Variants in RPL26 observed in about 807,000 individuals in gnomAD.
The protein encoded by RPL26 is large ribosomal subunit protein uL24.
Under a neutral mutation model 16.2 loss-of-function variants are expected in RPL26, and 1 was observed. The observed-to-expected ratio is 0.06, with a 90% CI of 0.02 to 0.29. The LOEUF (loss-of-function observed/expected upper bound fraction) is 0.29. Among genes scored for constraint, RPL26 ranks in the 10% least tolerant of loss-of-function variants. RPL26 has a pLI of 1.00. For synonymous variants in RPL26, 55 were observed against 62.4 expected (o/e 0.88, Z 0.56); for missense variants, 102 against 184.3 (o/e 0.55, Z 2.58).
chr17:8,381,706 T>A (rs1597495929), intron 2 of RPL26: 1 of 188,418 alleles, frequency 5.3e-6, no homozygotes, highest in African/African-American at 2.4e-5. Context: ...GGCGGGCTGA[T>A]CACCTGACGC....
intron 2 of RPL26, among the ~76,000 whole-genome samples, chr17:8,381,633 G>A (rs1209581410): frequency 3.9e-5 from 6 of 152,024 alleles, no homozygotes; most frequent in African/African-American, 1.4e-4. Context: ...GGGTAAGAGT[G>A]AGACCCCATC....
At chr17:8,379,001 C>G (rs2151673000) in intron 3 of RPL26, 1 of 152,246 alleles carries the variant, frequency 6.6e-6, no homozygotes, top group Admixed American at 6.5e-5. Context: ...GTTTCTCAAA[C>G]TTGAGTAAGA....
chr17:8,379,489 G>T, intron 3 of RPL26: 1 of 480,786 alleles, frequency 2.1e-6, no homozygotes, highest in Non-Finnish European at 3.7e-6. Context: ...CGGGAGAATC[G>T]CTTGCACTTG....
Position 8,382,188 on chromosome 17 carries a change from C to T in RPL26, c.123G>A (p.Lys41=). 1.2e-6 allele frequency: 2 copies of T among 1,613,968 alleles called. No homozygotes were observed. Among genetic ancestry groups the T allele is most frequent in the Non-Finnish European group, 1.7e-6 (2 of 1,179,864 alleles). ...SSPLSKELRQ[K]YNVRSMPIRK... ...GGATGGGCATGGATCGCACGTTGTA[C>T]TTCTGTCTCAGCTCTTTGGAAAGAG... Residue 41 remains lysine (K), a synonymous_variant, in exon 2 of 4, where the codon AAG becomes AAA. Transcript: ENST00000648839.
intron 1 of RPL26, 94 bp from the exon 2 acceptor site, chr17:8,382,409 T>C: frequency 1.1e-6 from 1 of 904,868 alleles, no homozygotes; most frequent in South Asian, 1.6e-5. Flanking sequence ...TAGTCTAGAA[T>C]GATCATAGGC....
intron 2 of RPL26, among the ~76,000 whole-genome samples, chr17:8,380,248 G>A (rs1376269318): frequency 6.6e-6 from 1 of 152,156 alleles, no homozygotes; most frequent in East Asian, 1.9e-4. Context: ...GAATCCCAGT[G>A]GTCCTCAGTT....
chr17:8,383,140 G>GCCCGCCGAATCCTTA lies in RPL26; in HGVS notation c.-6+2_-6+16dup, dbSNP rs1213757375. The GCCCGCCGAATCCTTA allele has an allele frequency of 3.0e-5, 12 of 398,544 alleles. No homozygotes were observed. The East Asian group carries it at 3.9e-4, about 13-fold the overall frequency. The allele number at this position is 398,544 out of a possible 1,614,324, so 24.7% of individuals were successfully genotyped here. A position where few individuals can be genotyped will look rare whatever the true frequency, so the allele number is the denominator to read the frequency against. On this transcript the variant is annotated intron_variant, in intron 1 of 3. Coordinates refer to ENST00000648839, the MANE Select transcript of RPL26 (RefSeq NM_000987.5). Reference sequence around the variant, plus strand: ...GGATGGCTGCTGATTACACCCGCTTGCCCGCCGAATCCTTACCCGCTCCCG... The same window carrying GCCCGCCGAATCCTTA: ...GGATGGCTGCTGATTACACCCGCTTGCCCGCCGAATCCTTACCCGCCGAATCCTTACCCGCTCCCG...
chr17:8,377,707 G>GA lies in RPL26; in HGVS notation c.310-16dup, dbSNP rs1202522089. On this transcript the variant is annotated splice_polypyrimidine_tract_variant and intron_variant, in intron 3 of 3. Coordinates refer to ENST00000648839, the MANE Select transcript of RPL26 (RefSeq NM_000987.5). ...GTGATAACCACCTGCAGAAAAATAA[G>GA]AAAAAAACACTCCCAAGCTTTAAAT... 5.8e-5 allele frequency: 92 copies of GA among 1,591,592 alleles called. No individual in the cohort carries two copies. Among genetic ancestry groups the GA allele is most frequent in the Middle Eastern group, 1.7e-4 (1 of 5,984 alleles).
chr17:8,382,459 G>T, intron 1 of RPL26, 144 bp from the exon 2 acceptor site: 1 of 618,840 alleles, frequency 1.6e-6, no homozygotes, highest in Non-Finnish European at 2.8e-6. Context: ...CTGTTTGATC[G>T]GAAGGGCCTA....
intron 2 of RPL26, chr17:8,381,663 C>T (rs886315838): frequency 5.8e-6 from 1 of 173,148 alleles, no homozygotes; most frequent in African/African-American, 2.4e-5. Flanking sequence ...CGCGGTGGCT[C>T]ACGCCTGTAA....
At chr17:8,381,995 TACTG>T (rs1907438607) in intron 2 of RPL26, 144 bp downstream of exon 2, 1 of 646,904 alleles carries the variant, frequency 1.5e-6, no homozygotes, top group Admixed American at 3.1e-5. Flanking sequence ...GCAGCTTACT[TACTG>T]TTTTTTGGTC....
At chr17:8,382,120 C>T (rs1332991428) in intron 2 of RPL26, 23 bp downstream of exon 2, 2 of 1,602,514 alleles carry the variant, frequency 1.2e-6, no homozygotes, top group East Asian at 2.2e-5. Context: ...ATCAAGACAA[C>T]GAGAACAAGT....
chr17:8,382,139 A>C lies in RPL26; in HGVS notation c.168+4T>G. On this transcript the variant is annotated splice_donor_region_variant and intron_variant, in intron 2 of 3. Transcript: ENST00000648839. ...AGACAACGAGAACAAGTAGGGATACACACCTGAACTTCATCATCCTTTCGG... is the reference window on the plus strand; with the variant it reads ...AGACAACGAGAACAAGTAGGGATACCCACCTGAACTTCATCATCCTTTCGG... 1.2e-6 allele frequency: 2 copies of C among 1,612,038 alleles called. No individual in the cohort carries two copies. The highest frequency in any genetic ancestry group is 2.2e-5 in the South Asian group (2 of 90,836).
At chr17:8,381,910 G>C (rs1008668224) in intron 2 of RPL26, 28 of 370,000 alleles carry the variant, frequency 7.6e-5, no homozygotes, top group South Asian at 4.1e-4. Context: ...GCCTGGGGGG[G>C]ACAAGAGCGA....
intron 2 of RPL26, chr17:8,380,682 A>T (rs1012450819): frequency 2.1e-4 from 32 of 152,370 alleles, no homozygotes; most frequent in African/African-American, 5.8e-4. Context: ...CTGCCTCTTC[A>T]ATGACCAAAC....
At chr17:8,379,049 A>AT (rs1306066267) in intron 3 of RPL26, 1 of 152,238 alleles carries the variant, frequency 6.6e-6, no homozygotes, top group Non-Finnish European at 1.5e-5. Context: ...CACCTGGGTC[A>AT]TAAGCCCTAA....
chr17:8,378,518 C>T (rs1299215909), intron 3 of RPL26, among the ~76,000 whole-genome samples: 4 of 144,720 alleles, frequency 2.8e-5, no homozygotes, highest in Non-Finnish European at 6.3e-5. Context: ...CACCCCCAAA[C>T]AGAAAAATAA....
rs1439118698 is a variant in RPL26, at chr17:8,377,566, A to C, written c.436T>G (p.Ter146GluextTer8). The change falls in exon 4 of 4, where the codon TAA (stop) becomes GAA (glutamate). Residue 146 changes from the stop codon to glutamate, a stop_lost. Transcript: ENST00000648839. ...CAAAGCTTGTATATAAGATTACTTT[A>C]TTCCTGCATCTTCTCAATGGTTTCT... ...KEETIEKMQE[*>E] 8 of 1,589,594 alleles carry C rather than the reference A, an allele frequency of 5.0e-6. No homozygotes were observed. The highest frequency in any genetic ancestry group is 5.1e-6 in the Non-Finnish European group (6 of 1,175,364).
At chr17:8,381,702 C>CA (rs1233487219) in intron 2 of RPL26, 1 of 187,268 alleles carries the variant, frequency 5.3e-6, no homozygotes, top group Non-Finnish European at 1.1e-5. Flanking sequence ...CTGAGGCGGG[C>CA]TGATCACCTG....
Sources: gnomAD v4.1 joint callset for allele counts (sites outside exome capture counted in the v4.1 genomes callset) on GRCh38, gnomAD v4.1.1 for gene constraint, MANE v1.5 for transcripts, NCBI Gene and HGNC (gene_info 2026-07-23, HGNC 2026-07-21) for gene names.